The following OCIAD1 variants were observed in gnomAD, a reference collection of about 807,000 sequenced individuals.
OCIAD1 encodes the protein OCIA domain containing 1.
A neutral mutation model predicts 38.9 loss-of-function variants in OCIAD1; 29 were observed. The ratio of observed to expected loss-of-function variants is 0.74; its 90% CI spans 0.55 to 1.02. The LOEUF (loss-of-function observed/expected upper bound fraction) is 1.02, where lower values mean the gene tolerates loss of function less well. Among genes scored for constraint, OCIAD1 ranks in the 50% least tolerant of loss-of-function variants. The pLI is 0.00. For missense variants in OCIAD1, 288 were observed against 289.6 expected, an observed-to-expected ratio of 0.99 and a Z score of 0.04; for synonymous variants, 110 against 92.0, an observed-to-expected ratio of 1.20 and a Z score of -1.12.
intron 1 of OCIAD1, among the ~76,000 whole-genome samples, chr4:48,819,423 G>T (rs1195748845): frequency 6.6e-6 from 1 of 151,998 alleles, no homozygotes; most frequent in Admixed American, 6.6e-5. Context: ...AGGAAAAACT[G>T]GTACCAGCCA....
At chr4:48,811,377 T>A (rs376362932) in intron 1 of OCIAD1, among the ~76,000 whole-genome samples, 1 of 152,216 alleles carries the variant, frequency 6.6e-6, no homozygotes, top group Non-Finnish European at 1.5e-5. Context: ...AGCCAAAGTC[T>A]TTACAATGGC....
chr4:48,858,009 C>T (rs1358872436), intron 8 of OCIAD1, among the ~76,000 whole-genome samples: 1 of 152,022 alleles, frequency 6.6e-6, no homozygotes, highest in African/African-American at 2.4e-5. Context: ...CAAAAATCAG[C>T]TGGGCATGGT....
upstream of OCIAD1, among the ~76,000 whole-genome samples, chr4:48,828,688 GT>G (rs1777277030): frequency 6.6e-6 from 1 of 152,156 alleles, no homozygotes; most frequent in South Asian, 2.1e-4. Flanking sequence ...CACTGCGAAG[GT>G]CTGCAGCTTC....
intron 7 of OCIAD1, among the ~76,000 whole-genome samples, chr4:48,853,092 G>C (rs1459712744): frequency 2.0e-5 from 3 of 151,792 alleles, no homozygotes; most frequent in Admixed American, 2.0e-4. Flanking sequence ...TGTTGGCCAG[G>C]ATGGTCTTGA....
intron 7 of OCIAD1, chr4:48,852,208 C>T (rs975311806): frequency 5.7e-5 from 22 of 387,912 alleles, no homozygotes; most frequent in African/African-American, 4.6e-4. Context: ...TGGTTCTTGT[C>T]CCTGAAAAAC....
chr4:48,830,977 G>A, upstream of OCIAD1: 1 of 158,658 alleles, frequency 6.3e-6, no homozygotes, highest in Non-Finnish European at 1.4e-5. Flanking sequence ...AGGGCAAAGG[G>A]ACGAGTATAC....
chr4:48,851,522 T>G (rs1779464594), intron 6 of OCIAD1, among the ~76,000 whole-genome samples: 1 of 151,958 alleles, frequency 6.6e-6, no homozygotes, highest in Admixed American at 6.6e-5. Context: ...ACCTCATCTC[T>G]ACAAAAAACC....
At chr4:48,860,109 A>G (rs1304127530) in intron 8 of OCIAD1, 1 of 152,444 alleles carries the variant, frequency 6.6e-6, no homozygotes, top group Non-Finnish European at 1.5e-5. Context: ...AAAGTAAAGG[A>G]GTAGAATAGA....
intron 7 of OCIAD1, among the ~76,000 whole-genome samples, chr4:48,853,324 G>T (rs925459739): frequency 1.3e-5 from 2 of 152,016 alleles, no homozygotes; most frequent in Admixed American, 6.6e-5. Flanking sequence ...TTTCATTATA[G>T]AAATATTAAT....
intron 1 of OCIAD1, among the ~76,000 whole-genome samples, chr4:48,807,700 A>G (rs1777043264): frequency 6.6e-6 from 1 of 152,166 alleles, no homozygotes. Flanking sequence ...AGAGCACTTA[A>G]AAATTTAGAT....
At chr4:48,849,880 C>G in intron 5 of OCIAD1, 67 bp from the exon 6 acceptor site, 2 of 1,423,390 alleles carry the variant, frequency 1.4e-6, no homozygotes, top group East Asian at 4.6e-5. Context: ...ACAAATTTTT[C>G]TTTTAGAAAA....
intron 6 of OCIAD1, 31 bp from the exon 7 acceptor site, chr4:48,851,775 T>C (rs1395095250): frequency 1.5e-6 from 2 of 1,341,894 alleles, no homozygotes; most frequent in East Asian, 2.3e-5. Flanking sequence ...ATGACTCATA[T>C]TTCTTACTAC....
At chr4:48,851,408 C>G (rs542853950) in intron 6 of OCIAD1, among the ~76,000 whole-genome samples, 2 of 152,280 alleles carry the variant, frequency 1.3e-5, no homozygotes, top group South Asian at 2.1e-4. Flanking sequence ...TATTTTGAGG[C>G]CAGACGCGGT....
chr4:48,815,773 G>A (rs1041433858), intron 1 of OCIAD1, among the ~76,000 whole-genome samples: 4 of 151,988 alleles, frequency 2.6e-5, no homozygotes, highest in Non-Finnish European at 4.4e-5. Context: ...ACTTCCCATC[G>A]CCTCTGTTTT....
At position 48,850,008 on chromosome 4, in the gene OCIAD1, A is replaced by G. The variant is rs1483430771; in HGVS notation, c.303A>G (p.Lys101=). ...KLSYVKTCQE[K]FKKLENSPLG... ...CTTATGTGAAAACTTGCCAAGAGAA[A>G]TTCAAGAAACTTGAAAATTCCCCCC... The change falls in exon 6 of 9, where the codon AAA becomes AAG. Residue 101 remains lysine, a synonymous_variant. Transcript: ENST00000264312. The G allele has an allele frequency of 6.2e-7, 1 of 1,613,446 alleles. No individual in the cohort carries two copies. The highest frequency in any genetic ancestry group is 2.2e-5 in the East Asian group (1 of 44,862).
At chr4:48,837,612 A>G (rs1348601080) in intron 3 of OCIAD1, among the ~76,000 whole-genome samples, 1 of 150,030 alleles carries the variant, frequency 6.7e-6, no homozygotes, top group African/African-American at 2.4e-5. Flanking sequence ...AATTTCTTAG[A>G]GAACTTGGCT....
At chr4:48,826,276 T>C (rs1034684218), upstream of OCIAD1, among the ~76,000 whole-genome samples, 2 of 152,274 alleles carry the variant, frequency 1.3e-5, no homozygotes, top group Non-Finnish European at 2.9e-5. Context: ...TAGCATTAGG[T>C]ATATCTCCTA....
At chr4:48,843,741 A>C (rs1778738318) in intron 4 of OCIAD1, among the ~76,000 whole-genome samples, 2 of 152,126 alleles carry the variant, frequency 1.3e-5, no homozygotes, top group Non-Finnish European at 2.9e-5. Flanking sequence ...AACAAAAAAA[A>C]CCCCACTTGA....
rs558014793 is a variant in OCIAD1, at chr4:48,807,678, C to A, written c.-103+2348C>A. ...GTTTCCGGTTGCAGGCTGGCCCAAG[C>A]AAAATCAACTGAGAGCACTTAAAAA... On this transcript the variant is annotated intron_variant, in intron 1 of 6. Transcript: ENST00000504654. Among the ~76,000 whole-genome samples, 6 of 152,238 alleles carry A rather than the reference C, an allele frequency of 3.9e-5. No individual in the cohort carries two copies. The East Asian group carries it at 1.2e-3, about 29-fold the overall frequency.
Sources: gnomAD v4.1 joint callset for allele counts (sites outside exome capture counted in the v4.1 genomes callset) on GRCh38, gnomAD v4.1.1 for gene constraint, MANE v1.5 for transcripts, NCBI Gene and HGNC (gene_info 2026-07-23, HGNC 2026-07-21) for gene names.